The following SPOCK3 variants were observed in gnomAD, a reference collection of about 807,000 sequenced individuals.
SPOCK3 encodes the protein testican-3.
A neutral mutation model predicts 56.6 loss-of-function variants in SPOCK3; 30 were observed. That is an observed-to-expected ratio of 0.53 (90% CI 0.40 to 0.72). The LOEUF (loss-of-function observed/expected upper bound fraction) is 0.72. Among genes scored for constraint, SPOCK3 ranks in the 30% least tolerant of loss-of-function variants. The probability of loss-of-function intolerance (pLI) is 0.00; values close to 1 mark genes in which losing one functional copy is unlikely to be tolerated. For synonymous variants in SPOCK3, 196 were observed against 183.3 expected (o/e 1.07, Z -0.56); for missense variants, 527 against 530.0 (o/e 0.99, Z 0.06).
At chr4:167,129,991 A>C (rs1229592561) in intron 2 of SPOCK3, among the ~76,000 whole-genome samples, 1 of 152,144 alleles carries the variant, frequency 6.6e-6, no homozygotes, top group Non-Finnish European at 1.5e-5. Context: ...CATATTTCCA[A>C]TTATGTTTTC....
chr4:167,058,456 C>T (rs1379809061), intron 3 of SPOCK3, among the ~76,000 whole-genome samples: 1 of 151,990 alleles, frequency 6.6e-6, no homozygotes, highest in African/African-American at 2.4e-5. Context: ...ATGTGAAGGA[C>T]CTCTTCAAGG....
intron 6 of SPOCK3, among the ~76,000 whole-genome samples, chr4:166,884,277 C>T (rs1733967787): frequency 1.3e-5 from 2 of 151,334 alleles, no homozygotes; most frequent in African/African-American, 2.4e-5. Flanking sequence ...GGCGTGAACC[C>T]GGGAGGTGGA....
intron 6 of SPOCK3, among the ~76,000 whole-genome samples, chr4:166,866,248 A>G (rs1031168193): frequency 6.6e-6 from 1 of 152,162 alleles, no homozygotes; most frequent in Non-Finnish European, 1.5e-5. Flanking sequence ...CAGAAACTGG[A>G]CCTCTTCCTC....
intron 6 of SPOCK3, among the ~76,000 whole-genome samples, chr4:166,837,076 A>G (rs1321853309): frequency 6.6e-6 from 1 of 152,178 alleles, no homozygotes; most frequent in Admixed American, 6.5e-5. Flanking sequence ...CTGCCTCACC[A>G]TCTTTAATAA....
chr4:167,225,798 A>G (rs968540784), intron 2 of SPOCK3, among the ~76,000 whole-genome samples: 1 of 152,070 alleles, frequency 6.6e-6, no homozygotes, highest in African/African-American at 2.4e-5. Flanking sequence ...TAAAGAGTAA[A>G]GCCTGTATGG....
intron 2 of SPOCK3, among the ~76,000 whole-genome samples, chr4:167,152,240 C>T (rs184934405): frequency 2.6e-5 from 4 of 152,168 alleles, no homozygotes; most frequent in East Asian, 1.9e-4. Flanking sequence ...TGAAGTATAC[C>T]GTTAATACAA....
intron 6 of SPOCK3, among the ~76,000 whole-genome samples, chr4:166,843,317 C>T (rs1747692755): frequency 1.3e-5 from 2 of 152,232 alleles, no homozygotes; most frequent in African/African-American, 4.8e-5. Context: ...GAGCGAGCGA[C>T]GGCCACCAGC....
At chr4:167,038,663 CAAAAAA>C (rs558863795) in intron 3 of SPOCK3, among the ~76,000 whole-genome samples, 42 of 107,986 alleles carry the variant, frequency 3.9e-4, no homozygotes, top group Admixed American at 1.3e-3. Flanking sequence ...TTATTTTTTC[CAAAAAA>C]AAAAAAAAAA....
At position 167,127,333 on chromosome 4, in the gene SPOCK3, T is replaced by C. The variant is rs1284929211; in HGVS notation, c.190-64796A>G. On this transcript the variant is annotated intron_variant, in intron 2 of 10. Transcript: ENST00000357545. The stretch of plus-strand genomic sequence containing the variant: ...CTGTACTTAGTTGTATTGCCAAGAC[T>C]ACTTTCTTATATTACAGAAAAAAAC... Among the ~76,000 whole-genome samples, 6 of 152,014 alleles carry C rather than the reference T, an allele frequency of 3.9e-5. 1 individual carries two copies. Among genetic ancestry groups the C allele is most frequent in the African/African-American group, 9.7e-5 (4 of 41,402 alleles).
intron 3 of SPOCK3, among the ~76,000 whole-genome samples, chr4:167,032,913 C>T (rs1426553462): frequency 1.3e-5 from 2 of 151,822 alleles, no homozygotes; most frequent in Non-Finnish European, 2.9e-5. Context: ...TTATTTGGGG[C>T]CGATTTGGAT....
At chr4:167,153,298 C>CAAA (rs772186863) in intron 2 of SPOCK3, among the ~76,000 whole-genome samples, 1 of 152,040 alleles carries the variant, frequency 6.6e-6, no homozygotes, top group Non-Finnish European at 1.5e-5. Context: ...CAAAACAAAG[C>CAAA]AAAAAACCAT....
At chr4:166,904,819 A>G (rs77398552) in intron 5 of SPOCK3, among the ~76,000 whole-genome samples, 4,414 of 152,096 alleles carry the variant, frequency 0.029, 183 homozygotes, top group African/African-American at 0.09. Context: ...TGGTTTCTTT[A>G]TATCTCTCCC....
At chr4:166,972,830 A>G (rs1417813347) in intron 4 of SPOCK3, among the ~76,000 whole-genome samples, 4 of 151,970 alleles carry the variant, frequency 2.6e-5, no homozygotes, top group Non-Finnish European at 4.4e-5. Flanking sequence ...ATATAAAATA[A>G]CTACAGGTGT....
intron 2 of SPOCK3, among the ~76,000 whole-genome samples, chr4:167,200,162 A>G (rs553806624): frequency 6.6e-6 from 1 of 152,232 alleles, no homozygotes; most frequent in South Asian, 2.1e-4. Flanking sequence ...TGCTTGCAGG[A>G]AAATTCAGGA....
At position 167,115,112 on chromosome 4, in the gene SPOCK3, C is replaced by G. The variant is rs1761224517; in HGVS notation, c.190-52575G>C. ...TTGCGAACAACTAACAGATTAGATT[C>G]AACCAGAGAGTGGGAGACTGAAGTT... On this transcript the variant is annotated intron_variant, in intron 2 of 10. Transcript: ENST00000357545. 3.3e-5 allele frequency among the ~76,000 whole-genome samples: 5 copies of G among 152,180 alleles called. No homozygotes were observed. In the South Asian group the frequency reaches 1.0e-3, roughly 32 times the overall value.
At chr4:166,974,291 T>C (rs934044819) in intron 4 of SPOCK3, among the ~76,000 whole-genome samples, 2 of 152,122 alleles carry the variant, frequency 1.3e-5, no homozygotes, top group African/African-American at 4.8e-5. Flanking sequence ...AGGATTTTTT[T>C]AAGAATATCA....
At chr4:166,867,897 T>C (rs769879915) in intron 6 of SPOCK3, among the ~76,000 whole-genome samples, 4 of 152,064 alleles carry the variant, frequency 2.6e-5, no homozygotes, top group Admixed American at 1.3e-4. Context: ...AAAAAGTTTG[T>C]TTTAAATTTA....
At chr4:167,107,936 A>C (rs1289076664) in intron 2 of SPOCK3, among the ~76,000 whole-genome samples, 1 of 151,914 alleles carries the variant, frequency 6.6e-6, no homozygotes, top group African/African-American at 2.4e-5. Flanking sequence ...AGAATGTATA[A>C]GGAATTCAAG....
At chr4:167,202,237 A>G (rs990851182) in intron 2 of SPOCK3, among the ~76,000 whole-genome samples, 2 of 151,964 alleles carry the variant, frequency 1.3e-5, no homozygotes, top group African/African-American at 2.4e-5. Context: ...TTTTGTTCCA[A>G]TTATGCAGTT....
Sources: allele counts gnomAD v4.1 joint callset (sites outside exome capture counted in the v4.1 genomes callset), GRCh38; gene constraint gnomAD v4.1.1; transcripts MANE v1.5; gene names NCBI Gene and HGNC (gene_info 2026-07-23, HGNC 2026-07-21).